The following PHF12 variants were observed in gnomAD, a reference collection of about 807,000 sequenced individuals.
The protein encoded by PHF12 is PHD finger protein 12, also known as PHD factor 1.
Under a neutral mutation model 99.8 loss-of-function variants are expected in PHF12, and 6 were observed. That is an observed-to-expected ratio of 0.06 (90% confidence interval 0.03 to 0.12). The LOEUF (loss-of-function observed/expected upper bound fraction) is 0.12. PHF12 is among the 10% of genes least tolerant of loss of function. The probability of loss-of-function intolerance (pLI) is 1.00; values close to 1 mark genes in which losing one functional copy is unlikely to be tolerated. For synonymous variants in PHF12, 480 were observed against 514.9 expected, an observed-to-expected ratio of 0.93 and a Z score of 0.92; for missense variants, 954 against 1,300.1, an observed-to-expected ratio of 0.73 and a Z score of 4.09.
In PHF12 at chr17:28,907,689, G is replaced by A. The variant is rs769146676; in HGVS notation, c.2459-17C>T. ...TGTCAGCTCCTGCAAGGTGGCAGGA[G>A]TAGAGGAAAAGGAAGGCAGAGAACA... On this transcript the variant is annotated splice_polypyrimidine_tract_variant and intron_variant, in intron 12 of 14. Coordinates refer to ENST00000332830, the MANE Select transcript of PHF12 (RefSeq NM_001033561.2). 1 of 1,611,046 alleles carries A rather than the reference G, an allele frequency of 6.2e-7. No homozygotes were observed. The highest frequency in any genetic ancestry group is 1.1e-5 in the South Asian group (1 of 90,966).
In PHF12 at chr17:28,949,677, A is replaced by T. The variant is rs1443481043; in HGVS notation, c.248+388T>A. On this transcript the variant is annotated intron_variant, in intron 2 of 14. Coordinates refer to ENST00000332830, the MANE Select transcript of PHF12 (RefSeq NM_001033561.2). The surrounding 1 kb of genome is among the most constrained non-coding windows in gnomAD (Gnocchi z 4.6). ...GGCTCCACGCACCCACCCCGAGGAG[A>T]TCCCGGCCGGGCAGGAGCCCCGAGG... 5.8e-6 allele frequency: 1 copy of T among 171,674 alleles called. No individual in the cohort carries two copies. The highest frequency in any genetic ancestry group is 1.2e-5 in the Non-Finnish European group (1 of 80,832). The allele number at this position is 171,674 out of a possible 1,614,324, so 10.6% of individuals were successfully genotyped here.
intron 10 of PHF12, chr17:28,910,571 A>G: frequency 1.6e-6 from 1 of 631,636 alleles, no homozygotes; most frequent in Non-Finnish European, 2.7e-6. Context: ...GCCCCAATGC[A>G]GCCTGTGCAG....
intron 7 of PHF12, among the ~76,000 whole-genome samples, chr17:28,914,278 T>G (rs1431841950): frequency 6.6e-6 from 1 of 152,124 alleles, no homozygotes; most frequent in Non-Finnish European, 1.5e-5. Context: ...TGCTTTAGCC[T>G]GAAAGGTGTA....
intron 3 of PHF12, chr17:28,924,762 C>G (rs2040237304): frequency 9.5e-6 from 2 of 209,712 alleles, no homozygotes; most frequent in South Asian, 6.0e-5. Flanking sequence ...ACCAGCCTGG[C>G]CAACATGGTG....
intron 10 of PHF12, 127 bp from the exon 11 acceptor site, chr17:28,910,496 C>G: frequency 5.3e-6 from 6 of 1,141,308 alleles, no homozygotes; most frequent in Non-Finnish European, 6.1e-6. Context: ...ACTCAAACAG[C>G]ATTGAGTGCA....
At chr17:28,910,075 G>GA (rs753680471) in intron 11 of PHF12, 151 bp downstream of exon 11, 3 of 1,210,612 alleles carry the variant, frequency 2.5e-6, no homozygotes, top group African/African-American at 1.5e-5. Context: ...GCTCTCTTCA[G>GA]AAAAAAACCA....
chr17:28,916,816 C>T lies in PHF12; in HGVS notation c.1134+469G>A, dbSNP rs550733329. ...ATTTGGAGCATTGGTGATATATTAA[C>T]AGCAGCCTGGAAAAATAGATTCAAG... On this transcript the variant is annotated intron_variant, in intron 7 of 14. Transcript: ENST00000332830. Among the ~76,000 whole-genome samples, 4 of 152,324 alleles carry T rather than the reference C, an allele frequency of 2.6e-5. No homozygotes were observed. In the South Asian group the frequency reaches 8.3e-4, roughly 32 times the overall value.
intron 11 of PHF12, 93 bp downstream of exon 11, chr17:28,910,133 C>A: frequency 6.4e-7 from 1 of 1,568,322 alleles, no homozygotes; most frequent in Non-Finnish European, 8.8e-7. Flanking sequence ...GTTTGAGATA[C>A]TGGAAGCTCA....
chr17:28,925,869 C>T (rs146819470), intron 3 of PHF12: 1 of 152,262 alleles, frequency 6.6e-6, no homozygotes, highest in Non-Finnish European at 1.5e-5. Context: ...TCTCCACCGT[C>T]TTTACCCCTT....
Position 28,951,336 on chromosome 17 carries a change from G to C in PHF12, c.-376C>G. The C allele has an allele frequency of 9.5e-7, 1 of 1,048,826 alleles. No homozygotes were observed. The highest frequency in any genetic ancestry group is 1.2e-6 in the Non-Finnish European group (1 of 867,440). The allele number at this position is 1,048,826 out of a possible 1,614,324, so 65.0% of individuals were successfully genotyped here. On this transcript the variant is annotated 5_prime_UTR_variant, in exon 1 of 15. Transcript: ENST00000332830. ...CGGGGCTGGGGGTATCGGAGGGGGGGTGAGAGGTTACGTGAGGTTGTGGTA... is the reference window on the plus strand; with the variant it reads ...CGGGGCTGGGGGTATCGGAGGGGGGCTGAGAGGTTACGTGAGGTTGTGGTA...
chr17:28,917,445 T>C lies in PHF12; in HGVS notation c.974A>G (p.Asn325Ser), dbSNP rs1298015216. The change falls in exon 7 of 15, where the codon AAC (asparagine) becomes AGC (serine). Residue 325 changes from asparagine (N) to serine (S), a missense_variant. Physicochemically the swap from Asn to Ser is conservative, Grantham distance 46. Coordinates refer to ENST00000332830, the MANE Select transcript of PHF12 (RefSeq NM_001033561.2). ...CPNHIEHVVL[N>S]QKNMTLSNRC... ...ATTGCTCAGTGTCATATTCTTCTGGTTCAGCTAGGGACAAAGCAGACACAA... is the reference window on the plus strand; with the variant it reads ...ATTGCTCAGTGTCATATTCTTCTGGCTCAGCTAGGGACAAAGCAGACACAA... 2 of 1,605,918 alleles carry C rather than the reference T, an allele frequency of 1.2e-6. No homozygotes were observed. The highest frequency in any genetic ancestry group is 4.5e-5 in the East Asian group (2 of 44,840).
intron 3 of PHF12, chr17:28,926,759 C>T: frequency 6.7e-7 from 1 of 1,492,630 alleles, no homozygotes; most frequent in South Asian, 1.2e-5. Context: ...AGTGACTAAA[C>T]ATGGCTCAGT....
chr17:28,943,829 A>G (rs1313027698), intron 2 of PHF12, among the ~76,000 whole-genome samples: 1 of 152,256 alleles, frequency 6.6e-6, no homozygotes, highest in Non-Finnish European at 1.5e-5. Flanking sequence ...AGTATTGATA[A>G]ATGCTACAAC....
intron 2 of PHF12, chr17:28,944,517 T>C: frequency 2.0e-6 from 2 of 984,296 alleles, no homozygotes; most frequent in African/African-American, 3.5e-5. Flanking sequence ...TCTTCCATAT[T>C]TAGGTGGACC....
Position 28,906,459 on chromosome 17 carries a change from A to T in PHF12, c.2739T>A (p.Ser913Arg). The T allele has an allele frequency of 6.2e-7, 1 of 1,613,722 alleles. No homozygotes were observed. Among genetic ancestry groups the T allele is most frequent in the Non-Finnish European group, 8.5e-7 (1 of 1,179,892 alleles). ...TCCGCTGCGGCCCCTGGGCCTGGGA[A>T]CTCATCATGGCTGCCTCCTCACTTG... ...EEPSEEAAMM[S>R]SQAQGPQRRP... Residue 913 changes from serine (S) to arginine (R), a missense_variant, in exon 15 of 15, where the codon AGT becomes AGA. Coordinates refer to ENST00000332830, the MANE Select transcript of PHF12 (RefSeq NM_001033561.2). This position sits in a 1 kb window ranked among gnomAD's most constrained non-coding sequence, Gnocchi z 4.2.
intron 5 of PHF12, among the ~76,000 whole-genome samples, chr17:28,919,527 G>T (rs1170168448): frequency 6.8e-6 from 1 of 147,242 alleles, no homozygotes; most frequent in Non-Finnish European, 1.5e-5. Flanking sequence ...GAGGTCAGGA[G>T]ACTGAGACTG....
chr17:28,929,245 T>C (rs1428638309), intron 2 of PHF12, among the ~76,000 whole-genome samples: 1 of 150,108 alleles, frequency 6.7e-6, no homozygotes, highest in Non-Finnish European at 1.5e-5. Flanking sequence ...AAAAAAAAAT[T>C]GAGTATTTTT....
rs1954432960 is a variant in PHF12, at chr17:28,947,529, G to A, written c.248+2536C>T. 2.0e-5 allele frequency among the ~76,000 whole-genome samples: 3 copies of A among 151,884 alleles called. No homozygotes were observed. In the South Asian group the frequency reaches 6.2e-4, roughly 32 times the overall value. ...GGAGGTGGAGGTTGCAATAAGCCGA[G>A]ATTGCACCACTGCACTCCAGCCTGG... is the stretch of plus-strand genomic sequence containing the variant. On this transcript the variant is annotated intron_variant, in intron 2 of 14. Coordinates refer to ENST00000332830, the MANE Select transcript of PHF12 (RefSeq NM_001033561.2).
intron 2 of PHF12, among the ~76,000 whole-genome samples, chr17:28,948,731 C>T (rs780205023): frequency 2.6e-5 from 4 of 152,130 alleles, no homozygotes; most frequent in Admixed American, 6.5e-5. Flanking sequence ...GTTGAGAGAC[C>T]TTCGGTGAAA....
Sources: gnomAD v4.1 joint callset for allele counts (sites outside exome capture counted in the v4.1 genomes callset) on GRCh38, gnomAD v4.1.1 for gene constraint, Gnocchi (gnomAD v3.1) non-coding constraint, MANE v1.5 for transcripts, NCBI Gene and HGNC (gene_info 2026-07-23, HGNC 2026-07-21) for gene names.